Variants in LMBRD1 observed in about 807,000 individuals in gnomAD.
LMBRD1 encodes lysosomal cobalamin transport escort protein LMBD1.
A neutral mutation model predicts 74.8 loss-of-function variants in LMBRD1; 64 were observed. The observed-to-expected ratio is 0.86, with a 90% CI of 0.70 to 1.05. The LOEUF (loss-of-function observed/expected upper bound fraction) is 1.05. Ranked by LOEUF, LMBRD1 falls within the 50% of genes least tolerant of loss-of-function variation. The probability of loss-of-function intolerance (pLI) is 0.00; values close to 1 mark genes in which losing one functional copy is unlikely to be tolerated. For missense variants in LMBRD1, 652 were observed against 645.9 expected, an observed-to-expected ratio of 1.01 and a Z score of -0.10; for synonymous variants, 204 against 216.3, an observed-to-expected ratio of 0.94 and a Z score of 0.50.
Position 69,699,177 on chromosome 6 carries a change from T to C in LMBRD1, c.1204A>G (p.Arg402Gly). 6.2e-7 allele frequency: 1 copy of C among 1,611,788 alleles called. No individual in the cohort carries two copies. The highest frequency in any genetic ancestry group is 1.7e-5 in the Admixed American group (1 of 59,932). ...FFWIRLYKIR[R>G]GRTRPQALLF... Reference sequence around the variant, plus strand: ...AGTGCTTGGGGCCTGGTTCTACCTCTTCTGATTTTATATAACTGGAAAGAA... The same window carrying C: ...AGTGCTTGGGGCCTGGTTCTACCTCCTCTGATTTTATATAACTGGAAAGAA... Residue 402 changes from arginine (R) to glycine (G), a missense_variant, in exon 13 of 16, where the codon AGA (arginine) becomes GGA (glycine). Arg to Gly is a moderately radical substitution (Grantham distance 125). Transcript: ENST00000649934.
chr6:69,679,043 C>A (rs199967667), intron 14 of LMBRD1, among the ~76,000 whole-genome samples: 228 of 97,372 alleles, frequency 2.3e-3, no homozygotes, highest in Middle Eastern at 0.017. Flanking sequence ...CTGGTTAAAA[C>A]AAAAAAAAAA....
At chr6:69,713,543 G>A (rs1011380118) in intron 9 of LMBRD1, 102 bp downstream of exon 9, 21 of 1,197,612 alleles carry the variant, frequency 1.8e-5, no homozygotes, top group Non-Finnish European at 2.4e-5. Context: ...TCCATTTTAA[G>A]TACCATGCTG....
At chr6:69,692,458 A>T (rs1036827033) in intron 14 of LMBRD1, among the ~76,000 whole-genome samples, 7 of 152,192 alleles carry the variant, frequency 4.6e-5, no homozygotes, top group African/African-American at 1.4e-4. Flanking sequence ...GGGCAGCAGA[A>T]ATAAAAATTT....
At chr6:69,718,054 T>C (rs1397116125) in intron 8 of LMBRD1, among the ~76,000 whole-genome samples, 1 of 152,198 alleles carries the variant, frequency 6.6e-6, no homozygotes, top group Non-Finnish European at 1.5e-5. Context: ...CTTTTTTGTG[T>C]GCTGTTATTG....
At chr6:69,679,047 A>AT (rs796484067) in intron 14 of LMBRD1, among the ~76,000 whole-genome samples, 1 of 120,516 alleles carries the variant, frequency 8.3e-6, no homozygotes. Flanking sequence ...TTAAAACAAA[A>AT]AAAAAAAAAC....
chr6:69,708,652 C>A (rs199538415), intron 9 of LMBRD1, among the ~76,000 whole-genome samples: 40 of 146,934 alleles, frequency 2.7e-4, no homozygotes, highest in Non-Finnish European at 2.7e-4. Context: ...TTCATGGGAA[C>A]AAAAAAAAAA....
intron 7 of LMBRD1, among the ~76,000 whole-genome samples, chr6:69,732,756 T>G (rs1766887265): frequency 6.6e-6 from 1 of 152,208 alleles, no homozygotes; most frequent in African/African-American, 2.4e-5. Flanking sequence ...GTAAACAATT[T>G]AGCAGTCACT....
At chr6:69,693,157 T>C (rs2149840263) in intron 14 of LMBRD1, among the ~76,000 whole-genome samples, 1 of 152,238 alleles carries the variant, frequency 6.6e-6, no homozygotes, top group East Asian at 1.9e-4. Context: ...ACATAAACTA[T>C]GCATTACCTG....
intron 14 of LMBRD1, among the ~76,000 whole-genome samples, chr6:69,679,768 T>A (rs1232139052): frequency 6.6e-6 from 1 of 152,100 alleles, no homozygotes; most frequent in Non-Finnish European, 1.5e-5. Context: ...AAATCTGAAC[T>A]GTGGAGCCTG....
At chr6:69,701,011 TA>T (rs969411293) in intron 11 of LMBRD1, 142 bp from the exon 12 acceptor site, 600 of 564,966 alleles carry the variant, frequency 1.1e-3, no homozygotes, top group Middle Eastern at 2.3e-3. Context: ...CTACTGTGCT[TA>T]AAAAAAAATC....
chr6:69,767,781 A>G (rs1353350971), intron 3 of LMBRD1, among the ~76,000 whole-genome samples: 3 of 151,894 alleles, frequency 2.0e-5, no homozygotes, highest in Non-Finnish European at 4.4e-5. Flanking sequence ...ATTATTTCCT[A>G]ACCAGTAAAG....
chr6:69,770,849 T>C (rs1292152893), intron 3 of LMBRD1, among the ~76,000 whole-genome samples: 1 of 152,040 alleles, frequency 6.6e-6, no homozygotes, highest in Non-Finnish European at 1.5e-5. Context: ...TAGGATAAAA[T>C]GAGCCAGAGA....
intron 7 of LMBRD1, among the ~76,000 whole-genome samples, chr6:69,729,688 A>G (rs1766814141): frequency 6.6e-6 from 1 of 152,058 alleles, no homozygotes; most frequent in African/African-American, 2.4e-5. Flanking sequence ...ATAAAATAAA[A>G]AAGTTTCTGG....
chr6:69,767,161 C>G (rs1046180843), intron 3 of LMBRD1, among the ~76,000 whole-genome samples: 45 of 151,404 alleles, frequency 3.0e-4, no homozygotes, highest in African/African-American at 9.9e-4. Context: ...TTTCAAAGAA[C>G]CTACTTTGGT....
intron 8 of LMBRD1, among the ~76,000 whole-genome samples, chr6:69,716,212 T>G (rs1766486157): frequency 6.6e-6 from 1 of 152,212 alleles, no homozygotes; most frequent in Non-Finnish European, 1.5e-5. Flanking sequence ...CCACAATGGT[T>G]GAACTAATTT....
At chr6:69,705,525 G>A in intron 9 of LMBRD1, 1 of 1,295,174 alleles carries the variant, frequency 7.7e-7, no homozygotes, top group Non-Finnish European at 1.1e-6. Context: ...TATTGATGAT[G>A]GTTTTGAGTC....
In LMBRD1 at chr6:69,675,199, T is replaced by C. The variant is rs538913461; in HGVS notation, c.*959A>G. On this transcript the variant is annotated 3_prime_UTR_variant, in exon 16 of 16. Transcript: ENST00000649934. ...CCTAAACTTTTTTTCAGAAACTTAA[T>C]GATATTTTACCTCAAGGATCATGAT... 6.6e-6 allele frequency among the ~76,000 whole-genome samples: 1 copy of C among 152,276 alleles called. No individual in the cohort carries two copies. Among genetic ancestry groups the C allele is most frequent in the Admixed American group, 6.5e-5 (1 of 15,294 alleles).
intron 14 of LMBRD1, 140 bp from the exon 15 acceptor site, chr6:69,676,681 T>TAG: frequency 1.4e-6 from 1 of 733,444 alleles, no homozygotes. Context: ...TACTGAAACT[T>TAG]AGGTCTCTCT....
At chr6:69,684,446 T>C (rs776337920) in intron 14 of LMBRD1, among the ~76,000 whole-genome samples, 10 of 152,210 alleles carry the variant, frequency 6.6e-5, no homozygotes, top group Non-Finnish European at 1.5e-4. Flanking sequence ...GGCATTAGAT[T>C]TCTTACCAGT....
Sources: gnomAD v4.1 joint callset for allele counts (sites outside exome capture counted in the v4.1 genomes callset) on GRCh38, gnomAD v4.1.1 for gene constraint, MANE v1.5 for transcripts, NCBI Gene and HGNC (gene_info 2026-07-23, HGNC 2026-07-21) for gene names.